Variants in EBF1 observed in about 807,000 individuals in gnomAD.
EBF1 encodes the protein EBF transcription factor 1, also known as transcription factor COE1.
Under a neutral mutation model 68.4 loss-of-function variants are expected in EBF1, and 10 were observed. That is an observed-to-expected ratio of 0.15 (90% confidence interval 0.09 to 0.25). The LOEUF is 0.25. Among genes scored for constraint, EBF1 ranks in the 10% least tolerant of loss-of-function variants. The pLI is 1.00. For missense variants in EBF1, 509 were observed against 794.4 expected, an observed-to-expected ratio of 0.64 and a Z score of 4.32; for synonymous variants, 298 against 299.8, an observed-to-expected ratio of 0.99 and a Z score of 0.06.
intron 1 of EBF1, among the ~76,000 whole-genome samples, chr5:159,097,894 A>T (rs1175852178): frequency 6.6e-6 from 1 of 152,192 alleles, no homozygotes; most frequent in East Asian, 1.9e-4. Flanking sequence ...CCAGGCGGCC[A>T]CTGACAGCCG....
chr5:158,704,844 A>G (rs1194272442), intron 15 of EBF1, among the ~76,000 whole-genome samples: 4 of 152,166 alleles, frequency 2.6e-5, no homozygotes, highest in Non-Finnish European at 5.9e-5. Context: ...CCAGCACAGC[A>G]CCTGGGGGTG....
At chr5:158,782,255 C>CTT (rs1405948070) in intron 9 of EBF1, among the ~76,000 whole-genome samples, 1 of 152,166 alleles carries the variant, frequency 6.6e-6, no homozygotes, top group Non-Finnish European at 1.5e-5. Context: ...TACTATAATA[C>CTT]TTAGCAGCCT....
At chr5:159,031,018 C>T (rs1554114218) in intron 6 of EBF1, among the ~76,000 whole-genome samples, 7 of 152,040 alleles carry the variant, frequency 4.6e-5, no homozygotes, top group Non-Finnish European at 1.0e-4. Flanking sequence ...ACTAAAAATA[C>T]AAAAAGTTAG....
chr5:158,698,972 G>C lies in EBF1; in HGVS notation c.*139C>G. On this transcript the variant is annotated 3_prime_UTR_variant, in exon 16 of 16. Coordinates refer to ENST00000313708, the MANE Select transcript of EBF1 (RefSeq NM_024007.5). ...CAGTATTTGCAAGGTCGGTGATTTT[G>C]TTTGTTTAAAAATCTGCAGTTATTG... is the stretch of plus-strand genomic sequence containing the variant. 1 of 696,446 alleles carries C rather than the reference G, an allele frequency of 1.4e-6. No homozygotes were observed. The highest frequency in any genetic ancestry group is 2.2e-6 in the Non-Finnish European group (1 of 451,224). 43.1% of individuals were successfully genotyped at this position (696,446 alleles called of 1,614,324 possible).
At position 158,847,315 on chromosome 5, in the gene EBF1, G is replaced by T. The variant is rs561745537; in HGVS notation, c.555-7205C>A. ...TAAGGAAAAGGACGCACTCCACGTA[G>T]GTCTCCTCATACTAGAAGTCAAATC... is the stretch of plus-strand genomic sequence containing the variant. On this transcript the variant is annotated intron_variant, in intron 6 of 15. Transcript: ENST00000313708. 4.6e-5 allele frequency among the ~76,000 whole-genome samples: 7 copies of T among 152,306 alleles called. No individual in the cohort carries two copies. The South Asian group carries it at 1.2e-3, about 27-fold the overall frequency.
rs117718697 is a variant in EBF1 at position 158,891,190 on chromosome 5, A to G, written c.555-51080T>C. Among the ~76,000 whole-genome samples the G allele has an allele frequency of 4.6e-3, 696 of 152,282 alleles. 42 individuals carry two copies. The East Asian group carries it at 0.12, about 27-fold the overall frequency. On this transcript the variant is annotated intron_variant, in intron 6 of 15. Coordinates refer to ENST00000313708, the MANE Select transcript of EBF1 (RefSeq NM_024007.5). ...ATGCTTTCTGATTTGAGAGGTTGGCATTTTTAAAACCCTATGTCTCTCTCT... is the reference window on the plus strand; with the variant it reads ...ATGCTTTCTGATTTGAGAGGTTGGCGTTTTTAAAACCCTATGTCTCTCTCT...
intron 6 of EBF1, among the ~76,000 whole-genome samples, chr5:159,039,356 G>A (rs531634704): frequency 4.8e-4 from 73 of 152,182 alleles, no homozygotes; most frequent in Non-Finnish European, 9.0e-4. Context: ...TTCATACTTG[G>A]AAAATGCATT....
intron 6 of EBF1, among the ~76,000 whole-genome samples, chr5:159,061,154 C>A (rs1191362966): frequency 6.6e-6 from 1 of 151,930 alleles, no homozygotes; most frequent in Non-Finnish European, 1.5e-5. Context: ...TCTGCTAAAT[C>A]ACTCCTCGCT....
At chr5:158,894,462 TC>T (rs1801790126) in intron 6 of EBF1, among the ~76,000 whole-genome samples, 2 of 152,320 alleles carry the variant, frequency 1.3e-5, no homozygotes, top group East Asian at 3.9e-4. Context: ...TTTATTTTTC[TC>T]CCCCTTTTTT....
intron 14 of EBF1, among the ~76,000 whole-genome samples, chr5:158,711,640 G>A (rs1447348156): frequency 6.6e-6 from 1 of 151,914 alleles, no homozygotes; most frequent in East Asian, 1.9e-4. Flanking sequence ...GACAAATATG[G>A]TGTCCTCATT....
intron 6 of EBF1, among the ~76,000 whole-genome samples, chr5:158,928,043 GA>G (rs1810050626): frequency 6.6e-6 from 1 of 152,170 alleles, no homozygotes; most frequent in South Asian, 2.1e-4. Context: ...AACATTTATG[GA>G]TCCTACTATC....
At chr5:158,994,630 C>T (rs937005686) in intron 6 of EBF1, among the ~76,000 whole-genome samples, 2 of 152,166 alleles carry the variant, frequency 1.3e-5, no homozygotes, top group Non-Finnish European at 2.9e-5. Flanking sequence ...ATCATATGAG[C>T]CAGAAGTCTC....
intron 6 of EBF1, among the ~76,000 whole-genome samples, chr5:158,977,972 C>A (rs1757115300): frequency 6.6e-6 from 1 of 152,178 alleles, no homozygotes; most frequent in Non-Finnish European, 1.5e-5. Context: ...CCCGGGATGG[C>A]CAGACAAAGG....
chr5:158,803,950 CTGTG>C (rs10581149), intron 8 of EBF1, among the ~76,000 whole-genome samples: 19,801 of 131,234 alleles, frequency 0.15, 1,481 homozygotes, highest in Non-Finnish European at 0.17. Context: ...GTGTGTGTGT[CTGTG>C]TGTGTGTGTG....
At chr5:158,766,998 T>C (rs1244445440) in intron 10 of EBF1, among the ~76,000 whole-genome samples, 1 of 152,184 alleles carries the variant, frequency 6.6e-6, no homozygotes, top group Non-Finnish European at 1.5e-5. Context: ...CAAGAATACA[T>C]ATACAGCTCA....
chr5:158,725,305 C>G (rs1207286518), intron 11 of EBF1, among the ~76,000 whole-genome samples: 1 of 152,242 alleles, frequency 6.6e-6, no homozygotes, highest in African/African-American at 2.4e-5. Flanking sequence ...TTCCCACCAT[C>G]CACCCCACTG....
chr5:158,952,483 A>C (rs1178009155), intron 6 of EBF1, among the ~76,000 whole-genome samples: 1 of 152,214 alleles, frequency 6.6e-6, no homozygotes, highest in Non-Finnish European at 1.5e-5. Flanking sequence ...CTTGCACTAA[A>C]AACATAACTT....
intron 6 of EBF1, among the ~76,000 whole-genome samples, chr5:158,866,182 T>C (rs915078316): frequency 1.3e-5 from 2 of 152,232 alleles, no homozygotes; most frequent in African/African-American, 4.8e-5. Context: ...GGCAAACCAG[T>C]TGCAGACCTG....
intron 8 of EBF1, among the ~76,000 whole-genome samples, chr5:158,818,929 A>G (rs928541247): frequency 1.4e-5 from 2 of 143,136 alleles, no homozygotes; most frequent in Non-Finnish European, 3.0e-5. Flanking sequence ...ATTCAAAACA[A>G]TAACAAAAAA....
Sources: allele counts gnomAD v4.1 joint callset (sites outside exome capture counted in the v4.1 genomes callset), GRCh38; gene constraint gnomAD v4.1.1; transcripts MANE v1.5; gene names NCBI Gene and HGNC (gene_info 2026-07-23, HGNC 2026-07-21).